Variants in KCNK2 observed in about 807,000 individuals in gnomAD.
KCNK2 encodes potassium two pore domain channel subfamily K member 2, also known as potassium channel subfamily K member 2.
A neutral mutation model predicts 40.5 loss-of-function variants in KCNK2; 21 were observed. The ratio of observed to expected loss-of-function variants is 0.52; its 90% CI spans 0.37 to 0.75. The LOEUF is 0.75. Ranked by LOEUF, KCNK2 falls within the 30% of genes least tolerant of loss-of-function variation. The pLI is 0.00. For missense variants in KCNK2, 399 were observed against 531.6 expected (o/e 0.75, Z 2.45); for synonymous variants, 191 against 202.2 (o/e 0.94, Z 0.47).
intron 5 of KCNK2, 151 bp downstream of exon 5, chr1:215,172,334 A>T (rs1663752103): frequency 1.5e-6 from 1 of 648,780 alleles, no homozygotes; most frequent in African/African-American, 1.8e-5. Flanking sequence ...TAAACAAAGC[A>T]AATTCATTGT....
chr1:215,073,993 T>C (rs1004892092), intron 1 of KCNK2, among the ~76,000 whole-genome samples: 1 of 152,164 alleles, frequency 6.6e-6, no homozygotes, highest in Non-Finnish European at 1.5e-5. Context: ...ATTTTGTTTG[T>C]AAAAGTTCCA....
At chr1:215,129,896 A>G (rs2102587682) in intron 3 of KCNK2, among the ~76,000 whole-genome samples, 1 of 152,348 alleles carries the variant, frequency 6.6e-6, no homozygotes, top group Non-Finnish European at 1.5e-5. Context: ...AAAATGTGGT[A>G]TAATACAAAA....
chr1:215,125,568 T>A (rs917086420), intron 3 of KCNK2, among the ~76,000 whole-genome samples: 4 of 151,740 alleles, frequency 2.6e-5, no homozygotes, highest in African/African-American at 9.7e-5. Context: ...AAGGGGAACA[T>A]CACACACCAG....
At chr1:215,175,990 C>G (rs1313282327) in intron 5 of KCNK2, among the ~76,000 whole-genome samples, 2 of 152,004 alleles carry the variant, frequency 1.3e-5, no homozygotes, top group African/African-American at 4.8e-5. Context: ...TGTTAGATTT[C>G]TTTTCCTTTG....
At chr1:215,068,557 G>C (rs1348324335) in intron 1 of KCNK2, among the ~76,000 whole-genome samples, 1 of 152,040 alleles carries the variant, frequency 6.6e-6, no homozygotes, top group Non-Finnish European at 1.5e-5. Flanking sequence ...TCCATTGTTG[G>C]GGTAGATACA....
chr1:215,047,420 A>G (rs1394015286), intron 1 of KCNK2, among the ~76,000 whole-genome samples: 1 of 152,062 alleles, frequency 6.6e-6, no homozygotes, highest in Non-Finnish European at 1.5e-5. Context: ...AGGTTTAGGA[A>G]CTGAAGTTTC....
intron 2 of KCNK2, among the ~76,000 whole-genome samples, chr1:215,103,165 G>A (rs1267583001): frequency 6.6e-6 from 1 of 151,772 alleles, no homozygotes; most frequent in Non-Finnish European, 1.5e-5. Context: ...GTGTATCTCT[G>A]GGACGATATA....
In KCNK2 at chr1:215,172,055, T is replaced by C; in HGVS notation, c.695T>C (p.Phe232Ser). The C allele has an allele frequency of 2.5e-6, 4 of 1,613,532 alleles. No individual in the cohort carries two copies. Among genetic ancestry groups the C allele is most frequent in the Non-Finnish European group, 3.4e-6 (4 of 1,179,704 alleles). ...ATCTCAACAATCATATTTATACTAT[T>C]TGGCTGTGTACTCTTTGTGGCTCTG... The part of the protein sequence containing the change: ...RIISTIIFIL[F>S]GCVLFVALPA... The change falls in exon 5 of 7, where the codon TTT becomes TCT. Residue 232 changes from phenylalanine (F) to serine (S), a missense_variant. By Grantham distance (155) the Phe-to-Ser change is radical. Coordinates refer to ENST00000444842, the MANE Select transcript of KCNK2 (RefSeq NM_001017425.3).
intron 1 of KCNK2, among the ~76,000 whole-genome samples, chr1:215,076,222 G>T (rs993148348): frequency 1.3e-5 from 2 of 152,186 alleles, no homozygotes; most frequent in African/African-American, 4.8e-5. Context: ...TATCAGGTCT[G>T]AAACTTTATA....
At chr1:215,096,170 C>G (rs978177765) in intron 2 of KCNK2, among the ~76,000 whole-genome samples, 3 of 151,448 alleles carry the variant, frequency 2.0e-5, no homozygotes, top group African/African-American at 7.3e-5. Context: ...CTCTTTAGAC[C>G]TATAAGCATA....
At chr1:215,056,373 A>G (rs1455982111) in intron 1 of KCNK2, among the ~76,000 whole-genome samples, 3 of 151,016 alleles carry the variant, frequency 2.0e-5, no homozygotes, top group East Asian at 3.9e-4. Context: ...GACACTAAAA[A>G]TAAAAGAAAA....
chr1:215,125,145 A>G (rs575527158), intron 3 of KCNK2, among the ~76,000 whole-genome samples: 1 of 152,146 alleles, frequency 6.6e-6, no homozygotes, highest in South Asian at 2.1e-4. Flanking sequence ...ACCTTTTCGA[A>G]TTTGTAAATT....
At chr1:215,062,505 A>G (rs974820546) in intron 1 of KCNK2, among the ~76,000 whole-genome samples, 2 of 151,502 alleles carry the variant, frequency 1.3e-5, no homozygotes, top group Non-Finnish European at 3.0e-5. Context: ...AAAAAGGGCA[A>G]CCTCTAAGGG....
intron 5 of KCNK2, among the ~76,000 whole-genome samples, chr1:215,191,974 C>A (rs1664685186): frequency 6.6e-6 from 1 of 152,130 alleles, no homozygotes; most frequent in South Asian, 2.1e-4. Flanking sequence ...AGAAATTACA[C>A]TCGATTCTTA....
intron 3 of KCNK2, among the ~76,000 whole-genome samples, chr1:215,165,469 G>A (rs986567623): frequency 1.3e-5 from 2 of 151,968 alleles, no homozygotes; most frequent in Non-Finnish European, 2.9e-5. Flanking sequence ...GCATTAACCT[G>A]GCTATTAAAT....
chr1:215,224,508 C>T (rs1666305660), intron 6 of KCNK2, among the ~76,000 whole-genome samples: 1 of 152,002 alleles, frequency 6.6e-6, no homozygotes, highest in African/African-American at 2.4e-5. Flanking sequence ...AAATCATCTC[C>T]TTAGAAATGC....
At chr1:215,057,147 C>G (rs1658197023) in intron 1 of KCNK2, among the ~76,000 whole-genome samples, 1 of 151,820 alleles carries the variant, frequency 6.6e-6, no homozygotes, top group African/African-American at 2.4e-5. Flanking sequence ...CCTATTACCC[C>G]AAAGTTGGAT....
intron 6 of KCNK2, among the ~76,000 whole-genome samples, chr1:215,202,012 T>G (rs1237337508): frequency 6.6e-6 from 1 of 152,166 alleles, no homozygotes; most frequent in Non-Finnish European, 1.5e-5. Flanking sequence ...TTTCTGGCAG[T>G]GTTTCTTGTT....
At chr1:215,026,234 A>G (rs1656994597) in intron 1 of KCNK2, among the ~76,000 whole-genome samples, 1 of 152,006 alleles carries the variant, frequency 6.6e-6, no homozygotes, top group Non-Finnish European at 1.5e-5. Flanking sequence ...CTCTCTTCAT[A>G]TAATTGTAGC....
Sources: allele counts gnomAD v4.1 joint callset (sites outside exome capture counted in the v4.1 genomes callset), GRCh38; gene constraint gnomAD v4.1.1; transcripts MANE v1.5; gene names NCBI Gene and HGNC (gene_info 2026-07-23, HGNC 2026-07-21).